The following PGM1 variants were observed in gnomAD, a reference collection of about 807,000 sequenced individuals.
The protein encoded by PGM1 is phosphoglucomutase 1.
PGM1 carries 52 observed loss-of-function variants against 55.6 expected under a neutral mutation model. The observed-to-expected ratio is 0.94, with a 90% CI of 0.75 to 1.18. PGM1 has a LOEUF of 1.18. Ranked by LOEUF, PGM1 falls within the 50% of genes most tolerant of loss-of-function variation. The probability of loss-of-function intolerance (pLI) is 0.00; values close to 1 mark genes in which losing one functional copy is unlikely to be tolerated. For synonymous variants in PGM1, 287 were observed against 271.7 expected (o/e 1.06, Z -0.55); for missense variants, 724 against 729.3 (o/e 0.99, Z 0.08).
intron 7 of PGM1, among the ~76,000 whole-genome samples, chr1:63,647,286 A>ATATATC (rs1421272231): frequency 3.3e-5 from 2 of 60,184 alleles, no homozygotes; most frequent in African/African-American, 1.1e-4. Flanking sequence ...ATATATATAT[A>ATATATC]TATATATATA....
intron 1 of PGM1, 69 bp downstream of exon 1, chr1:63,593,803 T>G: frequency 3.4e-6 from 5 of 1,450,858 alleles, no homozygotes; most frequent in Non-Finnish European, 4.5e-6. Flanking sequence ...CGCGGCGCCC[T>G]CCCTCGCTCG....
At chr1:63,609,607 G>T (rs1315115225) in intron 1 of PGM1, among the ~76,000 whole-genome samples, 1 of 152,186 alleles carries the variant, frequency 6.6e-6, no homozygotes, top group Non-Finnish European at 1.5e-5. Context: ...TACACATTCA[G>T]TAGAAACCAT....
chr1:63,654,778 A>C (rs901536533), intron 10 of PGM1, among the ~76,000 whole-genome samples: 3 of 152,010 alleles, frequency 2.0e-5, no homozygotes, highest in African/African-American at 4.8e-5. Context: ...TAATTAATTA[A>C]AAATAAAAAA....
intron 3 of PGM1, 102 bp downstream of exon 3, chr1:63,630,190 C>T (rs1439616823): frequency 7.0e-6 from 8 of 1,149,994 alleles, no homozygotes; most frequent in East Asian, 2.3e-5. Context: ...GAAAGATTTC[C>T]GTGAGTGCTC....
Position 63,648,634 on chromosome 1 carries a change from G to A in PGM1, c.1262G>A (p.Gly421Asp), listed in dbSNP as rs1649720980. The A allele has an allele frequency of 1.9e-6, 3 of 1,614,068 alleles. No individual in the cohort carries two copies. The East Asian group carries it at 6.7e-5, about 36-fold the overall frequency. ...CTCAAAGATCATTGGCAAAAGTATGGCCGGAATTTCTTCACCAGGTGAGCC... is the reference window on the plus strand; with the variant it reads ...CTCAAAGATCATTGGCAAAAGTATGACCGGAATTTCTTCACCAGGTGAGCC... Reference protein sequence around the residue: ...DILKDHWQKYGRNFFTRYDYE... With the variant: ...DILKDHWQKYDRNFFTRYDYE... Residue 421 changes from glycine (G) to aspartate (D), a missense_variant, in exon 8 of 11, where the codon GGC becomes GAC. Physicochemically the swap from Gly to Asp is moderately conservative, Grantham distance 94 (BLOSUM62 -1). Transcript: ENST00000371084.
chr1:63,605,814 C>T (rs1648402555), intron 1 of PGM1, among the ~76,000 whole-genome samples: 1 of 152,126 alleles, frequency 6.6e-6, no homozygotes, highest in Non-Finnish European at 1.5e-5. Context: ...TCAAGCAATC[C>T]ACCCACCTTG....
chr1:63,615,539 T>C (rs1031913134), intron 1 of PGM1, among the ~76,000 whole-genome samples: 1 of 138,188 alleles, frequency 7.2e-6, no homozygotes, highest in African/African-American at 3.0e-5. Context: ...TTCTCTCCTC[T>C]TCTTCTTCTT....
chr1:63,658,131 C>T (rs1650014249), intron 10 of PGM1, among the ~76,000 whole-genome samples: 1 of 152,142 alleles, frequency 6.6e-6, no homozygotes, highest in Non-Finnish European at 1.5e-5. Flanking sequence ...ACTGCCCAAG[C>T]CCTAAGGGGA....
At position 63,641,481 on chromosome 1, in the gene PGM1, G is replaced by T. The variant is rs556130117; in HGVS notation, c.1144+2681G>T. 3.9e-5 allele frequency among the ~76,000 whole-genome samples: 6 copies of T among 152,252 alleles called. No homozygotes were observed. In the East Asian group the frequency reaches 1.2e-3, roughly 29 times the overall value. On this transcript the variant is annotated intron_variant, in intron 7 of 10. Coordinates refer to ENST00000371084, the MANE Select transcript of PGM1 (RefSeq NM_002633.3). The stretch of plus-strand genomic sequence containing the variant: ...CCCTTGCTAGTGAATGTTTCCAACA[G>T]TTCTTTCATAGAGTTTCTCAGGGTA...
chr1:63,633,901 TG>T, intron 4 of PGM1, among the ~76,000 whole-genome samples: 1 of 51,764 alleles, frequency 1.9e-5, no homozygotes, highest in Non-Finnish European at 3.6e-5. Context: ...TGTGTGTGTG[TG>T]TGTGTGTGTG....
intron 1 of PGM1, among the ~76,000 whole-genome samples, chr1:63,595,667 A>G (rs1210459033): frequency 2.0e-5 from 3 of 152,214 alleles, no homozygotes; most frequent in Non-Finnish European, 4.4e-5. Flanking sequence ...TTATTCAGTC[A>G]GTCATTCAAC....
intron 1 of PGM1, among the ~76,000 whole-genome samples, chr1:63,608,731 A>G (rs1385479799): frequency 6.6e-6 from 1 of 152,252 alleles, no homozygotes; most frequent in Non-Finnish European, 1.5e-5. Flanking sequence ...GGCACCTGTC[A>G]TGAAAGCCCA....
Position 63,622,556 on chromosome 1 carries a change from C to T in PGM1, c.247-6869C>T, listed in dbSNP as rs541308591. On this transcript the variant is annotated intron_variant, in intron 1 of 10. Transcript: ENST00000371084. Reference sequence around the variant, plus strand: ...CATATTATTTTTCTAAATAAAAACTCGATCCAACCCTGTGTACTCAGAAAA... The same window carrying T: ...CATATTATTTTTCTAAATAAAAACTTGATCCAACCCTGTGTACTCAGAAAA... Among the ~76,000 whole-genome samples the T allele has an allele frequency of 6.6e-4, 100 of 152,238 alleles. 1 individual carries two copies. The highest frequency in any genetic ancestry group is 3.4e-3 in the Middle Eastern group (1 of 294).
At chr1:63,650,673 G>GGT (rs2101000173) in intron 8 of PGM1, among the ~76,000 whole-genome samples, 1 of 152,180 alleles carries the variant, frequency 6.6e-6, no homozygotes, top group South Asian at 2.1e-4. Flanking sequence ...CTCTCAAGAG[G>GGT]GTGTATGCCA....
rs1570501304 is a variant in PGM1 at position 63,636,371 on chromosome 1, G to A, written c.1011G>A (p.Thr337=). The A allele has an allele frequency of 6.2e-7, 1 of 1,614,066 alleles. No individual in the cohort carries two copies. Among genetic ancestry groups the A allele is most frequent in the Non-Finnish European group, 8.5e-7 (1 of 1,179,998 alleles). ...GVRGFARSMP[T]SGALDRVASA... is the part of the protein sequence containing the mutation. ...GCGGCTTTGCACGGAGCATGCCCAC[G>A]AGTGGTGCTCTGGACCGGTAGGTGT... The change falls in exon 6 of 11, where the codon ACG becomes ACA. Residue 337 remains threonine (T), a synonymous_variant. Coordinates refer to ENST00000371084, the MANE Select transcript of PGM1 (RefSeq NM_002633.3).
chr1:63,635,095 C>T, intron 5 of PGM1, 76 bp downstream of exon 5: 1 of 1,239,116 alleles, frequency 8.1e-7, no homozygotes, highest in Non-Finnish European at 1.2e-6. Flanking sequence ...AAGTGGGCTG[C>T]TTCTGCCAGA....
At chr1:63,611,867 G>A (rs1392894364) in intron 1 of PGM1, among the ~76,000 whole-genome samples, 2 of 151,772 alleles carry the variant, frequency 1.3e-5, no homozygotes, top group Non-Finnish European at 2.9e-5. Context: ...TTGCACCACT[G>A]CACTCCAACC....
intron 4 of PGM1, among the ~76,000 whole-genome samples, chr1:63,633,947 T>TTTTTTTTTTTTTTTTA (rs1649290794): frequency 8.3e-6 from 1 of 119,762 alleles, no homozygotes. Flanking sequence ...TTTTTTTTTT[T>TTTTTTTTTTTTTTTTA]TTTTTTTTTT....
At chr1:63,605,269 AGGCTCCT>A (rs1466521833) in intron 1 of PGM1, among the ~76,000 whole-genome samples, 3 of 152,196 alleles carry the variant, frequency 2.0e-5, no homozygotes, top group Admixed American at 2.0e-4. Context: ...TTTGCAGGCC[AGGCTCCT>A]GGCTCTTTCA....
Sources: allele counts gnomAD v4.1 joint callset (sites outside exome capture counted in the v4.1 genomes callset), GRCh38; gene constraint gnomAD v4.1.1; transcripts MANE v1.5; gene names NCBI Gene and HGNC (gene_info 2026-07-23, HGNC 2026-07-21).